The following PTPRN2 variants were observed in gnomAD, a reference collection of about 807,000 sequenced individuals.
The protein encoded by PTPRN2 is receptor-type tyrosine-protein phosphatase N2.
In PTPRN2, 74 loss-of-function variants were observed where a neutral mutation model predicts 118.8. That is an observed-to-expected ratio of 0.62 (90% CI 0.52 to 0.76). PTPRN2 has a LOEUF of 0.76. Among genes scored for constraint, PTPRN2 ranks in the 30% least tolerant of loss-of-function variants. The pLI, the probability that PTPRN2 is intolerant of heterozygous loss-of-function variation, is 0.00. For synonymous variants in PTPRN2, 641 were observed against 608.0 expected (o/e 1.05, Z -0.80); for missense variants, 1,481 against 1,394.4 (o/e 1.06, Z -0.99).
At chr7:158,240,921 T>C (rs913896956) in intron 3 of PTPRN2, among the ~76,000 whole-genome samples, 2 of 152,256 alleles carry the variant, frequency 1.3e-5, no homozygotes, top group Non-Finnish European at 2.9e-5. Context: ...AAGCTGAGCC[T>C]GGCTTTCCAG....
chr7:158,492,430 T>G (rs1161575685), intron 1 of PTPRN2, among the ~76,000 whole-genome samples: 1 of 152,248 alleles, frequency 6.6e-6, no homozygotes, highest in Non-Finnish European at 1.5e-5. Context: ...TTCCCATCTC[T>G]GCCTTAATCG....
At chr7:158,027,437 C>T (rs1807364643) in intron 11 of PTPRN2, 1 of 152,222 alleles carries the variant, frequency 6.6e-6, no homozygotes, top group African/African-American at 2.4e-5. Flanking sequence ...TATTGGGCCT[C>T]CTTGGGAGCA....
intron 12 of PTPRN2, among the ~76,000 whole-genome samples, chr7:157,757,949 G>C (rs1263082630): frequency 6.6e-6 from 1 of 152,228 alleles, no homozygotes; most frequent in Non-Finnish European, 1.5e-5. Flanking sequence ...CAGCTCTCTG[G>C]TGCACTGAAA....
At chr7:158,342,474 TGACACC>T in intron 2 of PTPRN2, among the ~76,000 whole-genome samples, 1 of 92,232 alleles carries the variant, frequency 1.1e-5, no homozygotes, top group East Asian at 3.2e-4. Flanking sequence ...CCATAAGAGC[TGACACC>T]TGCAGACGTC....
chr7:158,445,864 G>C (rs1438417813), intron 2 of PTPRN2, among the ~76,000 whole-genome samples: 1 of 152,262 alleles, frequency 6.6e-6, no homozygotes, highest in Admixed American at 6.5e-5. Context: ...GACCATGTCA[G>C]TGCTCAGAAG....
rs141097670 is a variant in PTPRN2 at position 158,190,466 on chromosome 7, A to G, written c.549+1861T>C. 2.2e-3 allele frequency among the ~76,000 whole-genome samples: 342 copies of G among 152,320 alleles called. 2 individuals carry two copies. The highest frequency in any genetic ancestry group is 0.012 in the South Asian group (57 of 4,828). ...CAGAGAGACTCCCACAGGCTCCTGGAAGGCTTTGGGGCATGTTTTTCAGGC... is the reference window on the plus strand; with the variant it reads ...CAGAGAGACTCCCACAGGCTCCTGGGAGGCTTTGGGGCATGTTTTTCAGGC... On this transcript the variant is annotated intron_variant, in intron 5 of 22. Coordinates refer to ENST00000389418, the MANE Select transcript of PTPRN2 (RefSeq NM_002847.5).
chr7:158,197,091 C>A lies in PTPRN2; in HGVS notation c.381-4596G>T, dbSNP rs78436390. On this transcript the variant is annotated intron_variant, in intron 4 of 22. Transcript: ENST00000389418. Reference sequence around the variant, plus strand: ...ACAGAATTTGATGCTACATTCTGAACAAAATCGTATTCAGAAAAAGTCTGG... The same window carrying A: ...ACAGAATTTGATGCTACATTCTGAAAAAAATCGTATTCAGAAAAAGTCTGG... 5.1e-3 allele frequency among the ~76,000 whole-genome samples: 782 copies of A among 152,266 alleles called. 4 individuals carry two copies. Among genetic ancestry groups the A allele is most frequent in the African/African-American group, 0.018 (731 of 41,566 alleles).
At chr7:158,126,689 C>A (rs912412093) in intron 9 of PTPRN2, among the ~76,000 whole-genome samples, 1 of 151,130 alleles carries the variant, frequency 6.6e-6, no homozygotes, top group Admixed American at 6.6e-5. Context: ...GCGGAACTTC[C>A]TCTCCGCCAC....
rs112158515 is a variant in PTPRN2 at position 158,492,901 on chromosome 7, T to C, written c.113-3116A>G. 6.0e-4 allele frequency among the ~76,000 whole-genome samples: 92 copies of C among 152,342 alleles called. 1 individual carries two copies. Among genetic ancestry groups the C allele is most frequent in the African/African-American group, 2.1e-3 (86 of 41,586 alleles). ...GTGGCGGCAAGTGGCATCCTGGACT[T>C]GTGTACCCTGTCGGCTCACAGACTG... On this transcript the variant is annotated intron_variant, in intron 1 of 22. Transcript: ENST00000389418.
chr7:158,362,252 T>G (rs1326565044), intron 2 of PTPRN2, among the ~76,000 whole-genome samples: 1 of 152,208 alleles, frequency 6.6e-6, no homozygotes, highest in Non-Finnish European at 1.5e-5. Flanking sequence ...CCGCCCGGCC[T>G]CAGCCTGGTG....
intron 11 of PTPRN2, among the ~76,000 whole-genome samples, chr7:158,044,886 A>T (rs1010766063): frequency 1.3e-5 from 2 of 152,232 alleles, no homozygotes; most frequent in Non-Finnish European, 2.9e-5. Context: ...CACCTGGAGG[A>T]CACCAGGAGG....
chr7:157,975,103 A>G (rs1802643423), intron 11 of PTPRN2, among the ~76,000 whole-genome samples: 1 of 151,944 alleles, frequency 6.6e-6, no homozygotes, highest in Non-Finnish European at 1.5e-5. Flanking sequence ...GGCCCAGCAC[A>G]TTCTCCTCCT....
intron 12 of PTPRN2, among the ~76,000 whole-genome samples, chr7:157,734,112 C>T (rs867975333): frequency 3.0e-5 from 3 of 101,694 alleles, no homozygotes; most frequent in East Asian, 2.5e-4. Flanking sequence ...CCGTCCCATG[C>T]GCCCAGCACA....
At chr7:158,375,375 T>A (rs1810421498) in intron 2 of PTPRN2, among the ~76,000 whole-genome samples, 1 of 152,198 alleles carries the variant, frequency 6.6e-6, no homozygotes, top group Admixed American at 6.5e-5. Context: ...GGCAGCTGTG[T>A]CTTGGGGCAG....
intron 12 of PTPRN2, among the ~76,000 whole-genome samples, chr7:157,889,856 G>A (rs530056392): frequency 5.1e-4 from 78 of 152,296 alleles, no homozygotes; most frequent in Non-Finnish European, 9.4e-4. Flanking sequence ...TCCCAATTAC[G>A]AGCCTCGTCA....
intron 3 of PTPRN2, among the ~76,000 whole-genome samples, chr7:158,272,907 G>GC (rs958889025): frequency 6.6e-6 from 1 of 152,158 alleles, no homozygotes; most frequent in African/African-American, 2.4e-5. Context: ...TGGCTGTGTT[G>GC]CCCCCCAGCC....
chr7:158,400,297 T>A (rs1021167276), intron 2 of PTPRN2, among the ~76,000 whole-genome samples: 11 of 152,112 alleles, frequency 7.2e-5, no homozygotes, highest in Non-Finnish European at 1.6e-4. Flanking sequence ...GACAGGGCAG[T>A]CGTCATGCAC....
intron 3 of PTPRN2, among the ~76,000 whole-genome samples, chr7:158,225,106 C>T (rs943244052): frequency 2.0e-5 from 3 of 151,422 alleles, no homozygotes; most frequent in Non-Finnish European, 4.4e-5. Flanking sequence ...AACTGTATCA[C>T]TGTTACTTTT....
At chr7:158,472,775 C>T (rs1264688986) in intron 2 of PTPRN2, among the ~76,000 whole-genome samples, 1 of 152,172 alleles carries the variant, frequency 6.6e-6, no homozygotes, top group African/African-American at 2.4e-5. Flanking sequence ...AATAACAAGG[C>T]CGTTGCATGC....
Sources: allele counts gnomAD v4.1 joint callset (sites outside exome capture counted in the v4.1 genomes callset), GRCh38; gene constraint gnomAD v4.1.1; transcripts MANE v1.5; gene names NCBI Gene and HGNC (gene_info 2026-07-23, HGNC 2026-07-21).